Variants in DOCK1 observed in about 807,000 individuals in gnomAD.
DOCK1 encodes dedicator of cytokinesis 1, also known as dedicator of cytokinesis protein 1.
A neutral mutation model predicts 262.7 loss-of-function variants in DOCK1; 138 were observed. The ratio of observed to expected loss-of-function variants is 0.53; its 90% confidence interval spans 0.46 to 0.61. DOCK1 has a LOEUF of 0.61. Ranked by LOEUF, DOCK1 falls within the 20% of genes least tolerant of loss-of-function variation. The pLI is 0.00. For missense variants in DOCK1, 1,908 were observed against 2,370.7 expected, an observed-to-expected ratio of 0.80 and a Z score of 4.05; for synonymous variants, 866 against 867.4, an observed-to-expected ratio of 1.00 and a Z score of 0.03.
chr10:127,078,865 T>G (rs2046730145), intron 23 of DOCK1, among the ~76,000 whole-genome samples: 1 of 152,164 alleles, frequency 6.6e-6, no homozygotes, highest in Non-Finnish European at 1.5e-5. Context: ...CTCTTCATCC[T>G]TTTTCTGTCT....
At chr10:127,251,779 CATT>C (rs1425446613) in intron 28 of DOCK1, among the ~76,000 whole-genome samples, 2 of 148,204 alleles carry the variant, frequency 1.3e-5, no homozygotes, top group Admixed American at 6.7e-5. Context: ...TCCAGTCTAT[CATT>C]GTTGGGCATT....
intron 27 of DOCK1, among the ~76,000 whole-genome samples, chr10:127,239,067 C>T (rs879292051): frequency 3.3e-5 from 5 of 152,206 alleles, no homozygotes; most frequent in Admixed American, 6.5e-5. Flanking sequence ...CCCTGCTGGA[C>T]AGGTACAGGG....
intron 29 of DOCK1, among the ~76,000 whole-genome samples, chr10:127,336,396 T>C (rs1248269376): frequency 6.9e-6 from 1 of 145,880 alleles, no homozygotes; most frequent in Non-Finnish European, 1.5e-5. Context: ...ATTTCCACGT[T>C]GTTTTTGTCC....
rs113634924 is a variant in DOCK1 at position 127,410,530 on chromosome 10, G to A, written c.4344-310G>A. 5.1e-3 allele frequency among the ~76,000 whole-genome samples: 776 copies of A among 152,308 alleles called. 4 individuals are homozygous for A. Among genetic ancestry groups the A allele is most frequent in the African/African-American group, 0.017 (716 of 41,574 alleles). On this transcript the variant is annotated intron_variant, in intron 42 of 51. Coordinates refer to ENST00000623213, the MANE Select transcript of DOCK1 (RefSeq NM_001290223.2). The stretch of plus-strand genomic sequence containing the variant: ...TTTTAAAATAATAATAAACACATAC[G>A]TTGAACACAAAAGCTTTTTTCTCTC...
At chr10:126,927,446 C>CTT (rs375447444) in intron 1 of DOCK1, among the ~76,000 whole-genome samples, 7 of 149,202 alleles carry the variant, frequency 4.7e-5, no homozygotes, top group African/African-American at 1.5e-4. Flanking sequence ...CTGTCTCATT[C>CTT]TTTTTTTTTT....
At chr10:127,272,027 A>C (rs1271364834) in intron 29 of DOCK1, 2 of 152,232 alleles carry the variant, frequency 1.3e-5, no homozygotes. Flanking sequence ...GCATGACATC[A>C]GTTCCATCAC....
At chr10:126,909,952 T>C (rs1276402565) in intron 1 of DOCK1, among the ~76,000 whole-genome samples, 1 of 152,192 alleles carries the variant, frequency 6.6e-6, no homozygotes, top group Non-Finnish European at 1.5e-5. Context: ...GGGGTAGAAG[T>C]CACATTTGCT....
intron 27 of DOCK1, among the ~76,000 whole-genome samples, chr10:127,163,615 A>G (rs1226849939): frequency 6.6e-6 from 1 of 152,158 alleles, no homozygotes; most frequent in Admixed American, 6.5e-5. Flanking sequence ...TGAAAGGGAA[A>G]ATAGGACTCT....
chr10:127,354,535 A>G, intron 31 of DOCK1, 134 bp from the exon 32 acceptor site: 1 of 943,762 alleles, frequency 1.1e-6, no homozygotes, highest in Non-Finnish European at 1.6e-6. Context: ...TGGTGGCAAG[A>G]GAAGTTGAAG....
At chr10:127,136,027 C>A (rs910833185) in intron 27 of DOCK1, 6 of 152,620 alleles carry the variant, frequency 3.9e-5, no homozygotes, top group African/African-American at 1.4e-4. Flanking sequence ...ATTGTTCTTG[C>A]ACCAAAATAT....
At chr10:127,268,704 C>T (rs535206551) in intron 29 of DOCK1, among the ~76,000 whole-genome samples, 11 of 151,978 alleles carry the variant, frequency 7.2e-5, no homozygotes, top group African/African-American at 2.2e-4. Context: ...GGGGGGTGTC[C>T]GAGAATTGGA....
At chr10:127,004,736 G>T in intron 10 of DOCK1, among the ~76,000 whole-genome samples, 1 of 147,054 alleles carries the variant, frequency 6.8e-6, no homozygotes. Context: ...GGGCTACAGA[G>T]TCATCCTGTC....
intron 46 of DOCK1, among the ~76,000 whole-genome samples, chr10:127,423,137 T>C (rs1175273740): frequency 2.0e-5 from 3 of 152,228 alleles, no homozygotes; most frequent in Non-Finnish European, 4.4e-5. Flanking sequence ...ACCCGTATCT[T>C]GGTATTGGCA....
At chr10:127,347,875 T>A (rs1266969343) in intron 31 of DOCK1, among the ~76,000 whole-genome samples, 1 of 28,362 alleles carries the variant, frequency 3.5e-5, no homozygotes, top group Non-Finnish European at 6.6e-5. Flanking sequence ...TTCCCTTCCC[T>A]TCCCTTCCCA....
chr10:127,117,100 A>G (rs2049231845), intron 25 of DOCK1, among the ~76,000 whole-genome samples: 1 of 152,178 alleles, frequency 6.6e-6, no homozygotes, highest in South Asian at 2.1e-4. Flanking sequence ...TGACTTATTG[A>G]ATGTAGGAGG....
At chr10:127,180,298 A>G (rs762544432) in intron 27 of DOCK1, among the ~76,000 whole-genome samples, 38 of 152,198 alleles carry the variant, frequency 2.5e-4, no homozygotes, top group Non-Finnish European at 5.0e-4. Flanking sequence ...TGAAGCTGCA[A>G]TAGGATTCTT....
At chr10:127,011,359 C>A (rs1191785217) in intron 11 of DOCK1, among the ~76,000 whole-genome samples, 2 of 152,192 alleles carry the variant, frequency 1.3e-5, no homozygotes, top group Non-Finnish European at 2.9e-5. Flanking sequence ...TCCCTCCCTC[C>A]CTGTCTTTTT....
chr10:127,085,238 C>A (rs1395735538), intron 23 of DOCK1, among the ~76,000 whole-genome samples: 1 of 152,170 alleles, frequency 6.6e-6, no homozygotes, highest in Non-Finnish European at 1.5e-5. Context: ...TCAGTGCCAA[C>A]TAAACAAATT....
intron 1 of DOCK1, among the ~76,000 whole-genome samples, chr10:126,917,114 T>C (rs1395403315): frequency 6.6e-6 from 1 of 152,156 alleles, no homozygotes; most frequent in Non-Finnish European, 1.5e-5. Flanking sequence ...TGCTTGTGGC[T>C]CCTGTGCCAG....
Sources: allele counts gnomAD v4.1 joint callset (sites outside exome capture counted in the v4.1 genomes callset), GRCh38; gene constraint gnomAD v4.1.1; transcripts MANE v1.5; gene names NCBI Gene and HGNC (gene_info 2026-07-23, HGNC 2026-07-21).